The following LRRK1 variants were observed in gnomAD, a reference collection of about 807,000 sequenced individuals.
The protein encoded by LRRK1 is leucine-rich repeat serine/threonine-protein kinase 1.
LRRK1 carries 113 observed loss-of-function variants against 209.1 expected under a neutral mutation model. The ratio of observed to expected loss-of-function variants is 0.54; its 90% CI spans 0.46 to 0.63. The LOEUF (loss-of-function observed/expected upper bound fraction) is 0.63. Ranked by LOEUF, LRRK1 falls within the 30% of genes least tolerant of loss-of-function variation. The pLI, the probability that LRRK1 is intolerant of heterozygous loss-of-function variation, is 0.00. For missense variants in LRRK1, 2,284 were observed against 2,632.2 expected, an observed-to-expected ratio of 0.87 and a Z score of 2.89; for synonymous variants, 1,144 against 1,099.7, an observed-to-expected ratio of 1.04 and a Z score of -0.80.
In LRRK1 at chr15:101,068,743, G is replaced by A; in HGVS notation, c.5943G>A (p.Trp1981Ter). The A allele has an allele frequency of 6.2e-7, 1 of 1,613,982 alleles. No individual in the cohort carries two copies. Among genetic ancestry groups the A allele is most frequent in the Non-Finnish European group, 8.5e-7 (1 of 1,179,900 alleles). Reference protein sequence around the residue: ...VCTFENENTEWCLAVWRGWGA... With the variant: ...VCTFENENTE Reference sequence around the variant, plus strand: ...CCTTTGAAAATGAAAACACAGAGTGGTGCCTGGCCGTCTGGAGGGGCTGGG... The same window carrying A: ...CCTTTGAAAATGAAAACACAGAGTGATGCCTGGCCGTCTGGAGGGGCTGGG... The change falls in exon 34 of 34, where the codon TGG becomes TGA. Residue 1981 changes from tryptophan to a stop codon, truncating the protein, a stop_gained. Transcript: ENST00000388948. LOFTEE classifies it high-confidence loss of function.
At position 101,053,440 on chromosome 15, in the gene LRRK1, C is replaced by T. The variant is rs1298505077; in HGVS notation, c.4054+20C>T. On this transcript the variant is annotated intron_variant, in intron 26 of 33. Transcript: ENST00000388948. ...CCAGAGGTACCGCGGCGCGCCGCCC[C>T]ACCCGGCCCCGGAGACCGACAGAGC... The T allele has an allele frequency of 1.3e-6, 2 of 1,548,972 alleles. No individual in the cohort carries two copies. Among genetic ancestry groups the T allele is most frequent in the South Asian group, 1.2e-5 (1 of 86,438 alleles).
At position 100,945,702 on chromosome 15, in the gene LRRK1, A is replaced by G. The variant is rs371246295; in HGVS notation, c.97+20973A>G. 5.9e-5 allele frequency among the ~76,000 whole-genome samples: 9 copies of G among 151,818 alleles called. No homozygotes were observed. In the East Asian group the frequency reaches 1.7e-3, roughly 29 times the overall value. Reference sequence around the variant, plus strand: ...AAGAAGGGGTTTCACCATGTTGGCCAGGCTGGTCTCAAACTCCTAATCTCA... The same window carrying G: ...AAGAAGGGGTTTCACCATGTTGGCCGGGCTGGTCTCAAACTCCTAATCTCA... On this transcript the variant is annotated intron_variant, in intron 2 of 33. Transcript: ENST00000388948.
At chr15:101,021,567 C>A in intron 13 of LRRK1, 1 of 502,174 alleles carries the variant, frequency 2.0e-6, no homozygotes, top group Non-Finnish European at 3.5e-6. Context: ...AGGTAGTGAT[C>A]ATCTTTATGG....
Position 101,058,617 on chromosome 15 carries a change from C to CGGGGAGGGG in LRRK1, c.4679+480_4679+481insAGGGGGGGG, listed in dbSNP as rs10668251. ...CTGCCCCAGATTGCAGAAGGGGCAA[C>CGGGGAGGGG]GGGGGGGGGCGTCTAAACAGAGTTG... On this transcript the variant is annotated intron_variant, in intron 29 of 33. Transcript: ENST00000388948. 8.7e-3 allele frequency among the ~76,000 whole-genome samples: 650 copies of CGGGGAGGGG among 74,994 alleles called. 1 individual carries two copies. Among genetic ancestry groups the CGGGGAGGGG allele is most frequent in the Non-Finnish European group, 0.011 (479 of 44,846 alleles). The allele number at this position is 74,994 out of a possible 152,430, so 49.2% of individuals were successfully genotyped here.
At position 101,072,530 on chromosome 15, in the gene LRRK1, C is replaced by G. The variant is rs1188997912; in HGVS notation, c.*3682C>G. ...AGCCAAGCCATCGCATCCCCTGTGACTTGCACGTATATGCCTAGATGGCCT... is the reference window on the plus strand; with the variant it reads ...AGCCAAGCCATCGCATCCCCTGTGAGTTGCACGTATATGCCTAGATGGCCT... On this transcript the variant is annotated 3_prime_UTR_variant, in exon 34 of 34. Transcript: ENST00000388948. The G allele has an allele frequency of 6.6e-6, 1 of 152,346 alleles. No homozygotes were observed. Among genetic ancestry groups the G allele is most frequent in the Non-Finnish European group, 1.5e-5 (1 of 68,114 alleles). 9.4% of individuals were successfully genotyped at this position (152,346 alleles called of 1,614,324 possible). A position where few individuals can be genotyped will look rare whatever the true frequency, so the allele number is the denominator to read the frequency against.
chr15:100,926,657 TTTTC>T (rs2042117593), intron 2 of LRRK1, among the ~76,000 whole-genome samples: 1 of 150,046 alleles, frequency 6.7e-6, no homozygotes, highest in Admixed American at 6.7e-5. Flanking sequence ...TCTTTCTTTC[TTTTC>T]TTTTTCTTTT....
chr15:100,929,092 T>C (rs1355871654), intron 2 of LRRK1, among the ~76,000 whole-genome samples: 1 of 152,216 alleles, frequency 6.6e-6, no homozygotes, highest in East Asian at 1.9e-4. Flanking sequence ...ATGTTCATTC[T>C]TCTGAGTATG....
Position 101,051,818 on chromosome 15 carries a change from G to A in LRRK1, c.3547G>A (p.Glu1183Lys), listed in dbSNP as rs1245205004. The change falls in exon 24 of 34, where the codon GAG (glutamate) becomes AAG (lysine). Residue 1183 changes from glutamate to lysine, a missense_variant. By Grantham distance (56) the Glu-to-Lys change is moderately conservative. Transcript: ENST00000388948. ...AQHTDPSEKS[E>K]DVQYFDMEDC... The stretch of plus-strand genomic sequence containing the variant: ...GCACACGGACCCCAGTGAGAAATCA[G>A]AGGATGTGCAGTACTTCGACATGGA... 4 of 1,614,010 alleles carry A rather than the reference G, an allele frequency of 2.5e-6. No individual in the cohort carries two copies. Among genetic ancestry groups the A allele is most frequent in the Non-Finnish European group, 3.4e-6 (4 of 1,180,022 alleles).
chr15:101,056,914 C>T lies in LRRK1; in HGVS notation c.4391C>T (p.Ala1464Val), dbSNP rs751661175. 2.5e-6 allele frequency: 4 copies of T among 1,614,028 alleles called. No individual in the cohort carries two copies. In the Admixed American group the frequency reaches 6.7e-5, roughly 27 times the overall value. Residue 1464 changes from alanine to valine, a missense_variant, in exon 28 of 34, where the codon GCA (alanine) becomes GTA (valine). Ala to Val is a moderately conservative substitution (Grantham distance 64). Coordinates refer to ENST00000388948, the MANE Select transcript of LRRK1 (RefSeq NM_024652.6). ...LYELLSGQRPALGHHQLQIAK... is the reference protein window; with the variant it reads ...LYELLSGQRPVLGHHQLQIAK... The stretch of plus-strand genomic sequence containing the variant: ...GAGTTGCTGTCAGGACAGCGCCCTG[C>T]ACTGGGCCACCACCAGCTCCAGATT...
At chr15:100,926,271 C>T (rs2042107451) in intron 2 of LRRK1, among the ~76,000 whole-genome samples, 1 of 150,076 alleles carries the variant, frequency 6.7e-6, no homozygotes, top group East Asian at 2.0e-4. Context: ...ATCGAGGTGG[C>T]GTGGGTGATA....
intron 6 of LRRK1, among the ~76,000 whole-genome samples, chr15:101,007,456 A>G (rs1380507065): frequency 6.6e-6 from 1 of 152,222 alleles, no homozygotes; most frequent in Non-Finnish European, 1.5e-5. Context: ...CCCATGCCGG[A>G]AAACCGCTGG....
At chr15:101,011,061 G>C (rs1384153536) in intron 9 of LRRK1, among the ~76,000 whole-genome samples, 1 of 152,120 alleles carries the variant, frequency 6.6e-6, no homozygotes, top group Non-Finnish European at 1.5e-5. Flanking sequence ...GGGTTCAAGA[G>C]CCACCCAGCA....
At chr15:101,018,768 T>C (rs1473492375) in intron 12 of LRRK1, among the ~76,000 whole-genome samples, 1 of 152,212 alleles carries the variant, frequency 6.6e-6, no homozygotes, top group Non-Finnish European at 1.5e-5. Flanking sequence ...CCTTGGCAGA[T>C]GACAAAGGCC....
At position 101,072,924 on chromosome 15, in the gene LRRK1, T is replaced by C. The variant is rs958515681; in HGVS notation, c.*4076T>C. On this transcript the variant is annotated 3_prime_UTR_variant, in exon 34 of 34. Transcript: ENST00000388948. ...GGTGGTCTCTTCACATGGACGTGCA[T>C]TAAATTTGGTGCCGTAACTGGCGCG... The C allele has an allele frequency of 6.5e-6, 1 of 153,134 alleles. No homozygotes were observed. Among genetic ancestry groups the C allele is most frequent in the African/African-American group, 2.5e-5 (1 of 40,794 alleles). The allele number at this position is 153,134 out of a possible 1,614,324, so 9.5% of individuals were successfully genotyped here. A position where few individuals can be genotyped will look rare whatever the true frequency, so the allele number is the denominator to read the frequency against.
chr15:100,936,867 C>T (rs955918092), intron 2 of LRRK1, among the ~76,000 whole-genome samples: 6 of 152,232 alleles, frequency 3.9e-5, no homozygotes, highest in African/African-American at 1.4e-4. Context: ...CCTTTCAGAA[C>T]AGTTTCCATA....
At chr15:101,055,889 T>C (rs1338058863) in intron 27 of LRRK1, among the ~76,000 whole-genome samples, 1 of 152,252 alleles carries the variant, frequency 6.6e-6, no homozygotes, top group Non-Finnish European at 1.5e-5. Context: ...AAAATTCCCT[T>C]GTCTATAATT....
chr15:101,000,759 G>A (rs1019071886), intron 6 of LRRK1, among the ~76,000 whole-genome samples: 3 of 152,212 alleles, frequency 2.0e-5, no homozygotes, highest in Non-Finnish European at 2.9e-5. Context: ...AGTCATGTTG[G>A]ATGATGGCCC....
intron 12 of LRRK1, among the ~76,000 whole-genome samples, chr15:101,018,842 C>T (rs546076002): frequency 3.7e-4 from 57 of 152,314 alleles, no homozygotes; most frequent in African/African-American, 1.3e-3. Flanking sequence ...GAAGGCGGCT[C>T]TTTGCAAACC....
intron 29 of LRRK1, among the ~76,000 whole-genome samples, chr15:101,060,239 G>A (rs2036080788): frequency 6.6e-6 from 1 of 152,266 alleles, no homozygotes; most frequent in East Asian, 1.9e-4. Flanking sequence ...GGAGAGGCAG[G>A]GCAGACGAGC....
Sources: allele counts gnomAD v4.1 joint callset (sites outside exome capture counted in the v4.1 genomes callset), GRCh38; gene constraint gnomAD v4.1.1; transcripts MANE v1.5; gene names NCBI Gene and HGNC (gene_info 2026-07-23, HGNC 2026-07-21).